The following ANO5 variants were observed in gnomAD, a reference collection of about 807,000 sequenced individuals.
The protein encoded by ANO5 is anoctamin 5, also known as anoctamin-5.
Under a neutral mutation model 121.0 loss-of-function variants are expected in ANO5, and 109 were observed. The observed-to-expected ratio is 0.90, with a 90% confidence interval of 0.77 to 1.06. The LOEUF is 1.06. Ranked by LOEUF, ANO5 falls within the 50% of genes least tolerant of loss-of-function variation. ANO5 has a pLI of 0.00. For missense variants in ANO5, 1,064 were observed against 1,078.5 expected, an observed-to-expected ratio of 0.99 and a Z score of 0.19; for synonymous variants, 406 against 359.9, an observed-to-expected ratio of 1.13 and a Z score of -1.45.
chr11:22,231,671 T>C (rs1590252973), intron 7 of ANO5, among the ~76,000 whole-genome samples: 2 of 151,936 alleles, frequency 1.3e-5, no homozygotes, highest in Non-Finnish European at 2.9e-5. Flanking sequence ...CTGGTATTTA[T>C]ACATTTCAGC....
chr11:22,214,427 G>C (rs886671136), intron 3 of ANO5, among the ~76,000 whole-genome samples: 21 of 151,890 alleles, frequency 1.4e-4, no homozygotes, highest in African/African-American at 4.8e-4. Context: ...TTAGGGTCCT[G>C]TTAGGCCTAC....
At chr11:22,208,934 C>T (rs574021040) in intron 2 of ANO5, among the ~76,000 whole-genome samples, 1 of 151,806 alleles carries the variant, frequency 6.6e-6, no homozygotes, top group Non-Finnish European at 1.5e-5. Flanking sequence ...TTCACCCCAT[C>T]TATGGGCAGG....
chr11:22,230,866 T>C (rs2133625871), intron 7 of ANO5, among the ~76,000 whole-genome samples: 1 of 152,154 alleles, frequency 6.6e-6, no homozygotes, highest in South Asian at 2.1e-4. Context: ...CTAACTCTCT[T>C]TGAATCTGTC....
intron 7 of ANO5, among the ~76,000 whole-genome samples, chr11:22,231,273 C>T (rs1425551997): frequency 1.3e-5 from 2 of 151,822 alleles, no homozygotes; most frequent in Admixed American, 1.3e-4. Context: ...TACATTATTT[C>T]ATCACATCAT....
intron 7 of ANO5, among the ~76,000 whole-genome samples, chr11:22,229,959 G>A (rs892557195): frequency 2.6e-5 from 4 of 151,902 alleles, no homozygotes; most frequent in African/African-American, 9.7e-5. Context: ...CATTAATATA[G>A]AATTTCATAC....
chr11:22,195,949 T>A (rs1445407961), intron 1 of ANO5, among the ~76,000 whole-genome samples: 1 of 152,212 alleles, frequency 6.6e-6, no homozygotes, highest in Non-Finnish European at 1.5e-5. Flanking sequence ...GTGGCATTGA[T>A]GAGATCAGGG....
At chr11:22,237,945 A>G (rs1448115375) in intron 8 of ANO5, among the ~76,000 whole-genome samples, 3 of 152,188 alleles carry the variant, frequency 2.0e-5, no homozygotes, top group African/African-American at 7.2e-5. Context: ...ATTCTTCAGC[A>G]TACTTTAATT....
chr11:22,234,792 T>A (rs1235300618), intron 7 of ANO5, among the ~76,000 whole-genome samples: 7 of 152,066 alleles, frequency 4.6e-5, no homozygotes, highest in Non-Finnish European at 4.4e-5. Context: ...CTTCACTTCC[T>A]CCAAATTCTT....
chr11:22,257,030 ATTATG>A (rs1159164493), intron 13 of ANO5, among the ~76,000 whole-genome samples: 2 of 151,890 alleles, frequency 1.3e-5, no homozygotes, highest in Admixed American at 6.6e-5. Context: ...AATGTGAAAT[ATTATG>A]TTATGGAATT....
At chr11:22,270,050 T>C (rs1564949136) in intron 17 of ANO5, among the ~76,000 whole-genome samples, 1 of 152,256 alleles carries the variant, frequency 6.6e-6, no homozygotes, top group Non-Finnish European at 1.5e-5. Flanking sequence ...AAACTGTCTC[T>C]GAGTAAATAT....
At chr11:22,209,001 T>C (rs1196694756) in intron 2 of ANO5, among the ~76,000 whole-genome samples, 1 of 151,946 alleles carries the variant, frequency 6.6e-6, no homozygotes, top group African/African-American at 2.4e-5. Context: ...AACTATTGGA[T>C]TGAGGCAGAA....
At chr11:22,253,826 G>T (rs187613480) in intron 12 of ANO5, among the ~76,000 whole-genome samples, 8 of 152,242 alleles carry the variant, frequency 5.3e-5, no homozygotes, top group Admixed American at 1.3e-4. Flanking sequence ...TTGACTGGAG[G>T]AGTTATATGA....
chr11:22,200,418 G>A lies in ANO5; in HGVS notation c.41-3386G>A, dbSNP rs547899365. Among the ~76,000 whole-genome samples the A allele has an allele frequency of 4.5e-4, 68 of 152,264 alleles. 1 individual carries two copies. The South Asian group carries it at 0.013, about 28-fold the overall frequency. On this transcript the variant is annotated intron_variant, in intron 1 of 21. Transcript: ENST00000324559. ...AGTACTTTTTCATGAGGCAACCATG[G>A]TACTTTGGAATGCAGCATCAGCGCT...
At chr11:22,229,722 A>C (rs892526017) in intron 7 of ANO5, among the ~76,000 whole-genome samples, 5 of 152,066 alleles carry the variant, frequency 3.3e-5, no homozygotes, top group Non-Finnish European at 2.9e-5. Flanking sequence ...TAGAAATGTC[A>C]GTATTCATTT....
At chr11:22,222,334 A>G (rs534378027) in intron 5 of ANO5, among the ~76,000 whole-genome samples, 3 of 152,066 alleles carry the variant, frequency 2.0e-5, no homozygotes, top group East Asian at 1.9e-4. Flanking sequence ...CATTGATAAT[A>G]TCAATTCATA....
intron 2 of ANO5, among the ~76,000 whole-genome samples, chr11:22,208,879 C>T (rs937105969): frequency 6.6e-6 from 1 of 151,794 alleles, no homozygotes. Flanking sequence ...TTTTCTGACA[C>T]TCAAATGCAA....
rs1018461188 is a variant in ANO5 at position 22,280,856 on chromosome 11, T to C, written c.*1091T>C. 5 of 152,030 alleles carry C rather than the reference T, an allele frequency of 3.3e-5. No homozygotes were observed. The highest frequency in any genetic ancestry group is 7.4e-5 in the Non-Finnish European group (5 of 67,902). The allele number at this position is 152,030 out of a possible 1,614,324, so 9.4% of individuals were successfully genotyped here. A position where few individuals can be genotyped will look rare whatever the true frequency, so the allele number is the denominator to read the frequency against. Reference sequence around the variant, plus strand: ...CATGTTGTTAGCTAGTGATTTGATGTGATGTAACATCTTAAATGTAAGCTT... The same window carrying C: ...CATGTTGTTAGCTAGTGATTTGATGCGATGTAACATCTTAAATGTAAGCTT... On this transcript the variant is annotated 3_prime_UTR_variant, in exon 22 of 22. Coordinates refer to ENST00000324559, the MANE Select transcript of ANO5 (RefSeq NM_213599.3).
chr11:22,277,209 A>G (rs1420945741), intron 21 of ANO5, among the ~76,000 whole-genome samples: 4 of 151,494 alleles, frequency 2.6e-5, no homozygotes, highest in East Asian at 3.9e-4. Context: ...AGAAAGAGAG[A>G]GGGGGAAAAA....
intron 1 of ANO5, among the ~76,000 whole-genome samples, chr11:22,194,250 T>C (rs1851741071): frequency 6.6e-6 from 1 of 152,196 alleles, no homozygotes; most frequent in Non-Finnish European, 1.5e-5. Context: ...AAAATGCACA[T>C]ACTATTTTGC....
Sources: allele counts gnomAD v4.1 joint callset (sites outside exome capture counted in the v4.1 genomes callset), GRCh38; gene constraint gnomAD v4.1.1; transcripts MANE v1.5; gene names NCBI Gene and HGNC (gene_info 2026-07-23, HGNC 2026-07-21).